PPP1R13L: variants seen among roughly 807,000 people sequenced by gnomAD.
PPP1R13L encodes the protein protein phosphatase 1 regulatory subunit 13 like.
A neutral mutation model predicts 80.9 loss-of-function variants in PPP1R13L; 50 were observed. That is an observed-to-expected ratio of 0.62 (90% CI 0.49 to 0.78). The LOEUF is 0.78. Ranked by LOEUF, PPP1R13L falls within the 30% of genes least tolerant of loss-of-function variation. The pLI, the probability that PPP1R13L is intolerant of heterozygous loss-of-function variation, is 0.00. For missense variants in PPP1R13L, 1,200 were observed against 1,205.9 expected (o/e 1.00, Z 0.07); for synonymous variants, 602 against 534.3 (o/e 1.13, Z -1.75).
chr19:45,384,313 G>A (rs1972823673), intron 11 of PPP1R13L, among the ~76,000 whole-genome samples: 1 of 144,346 alleles, frequency 6.9e-6, no homozygotes, highest in African/African-American at 2.6e-5. Context: ...CTGAGGTCAG[G>A]GGTTTGAGAC....
upstream of PPP1R13L, chr19:45,406,209 A>T (rs1973357523): frequency 1.2e-6 from 1 of 800,504 alleles, no homozygotes; most frequent in African/African-American, 1.9e-5. This position sits in a 1 kb window ranked among gnomAD's most constrained non-coding sequence, Gnocchi z 4.2. Context: ...TCTCCCAGTC[A>T]AGTTCTGAAC....
intron 3 of PPP1R13L, among the ~76,000 whole-genome samples, chr19:45,397,472 C>CTCTTTCTTTCTCTCTTTCTTTCTT (rs1973132554): frequency 1.2e-5 from 1 of 83,270 alleles, no homozygotes; most frequent in Non-Finnish European, 2.3e-5. Flanking sequence ...TTCTCTCTCT[C>CTCTTTCTTTCTCTCTTTCTTTCTT]TCTTTCTTTC....
Position 45,398,324 on chromosome 19 carries a change from C to CGGCCGGAGCGGGCGCCTGCATGGTG in PPP1R13L, c.-21-10_-7dup. ...TGGAATGCCTCGCTGTCCATGGTGC[C>CGGCCGGAGCGGGCGCCTGCATGGTG]GGCCGGAGCGGGCGCCTGCATGGTG... On this transcript the variant is annotated 5_prime_UTR_variant, in exon 2 of 13. The change creates a new upstream start codon in the 5' untranslated region. Transcript: ENST00000360957. 6 of 1,613,430 alleles carry CGGCCGGAGCGGGCGCCTGCATGGTG rather than the reference C, an allele frequency of 3.7e-6. No individual in the cohort carries two copies. The highest frequency in any genetic ancestry group is 5.1e-6 in the Non-Finnish European group (6 of 1,179,898).
rs146548175 is a variant in PPP1R13L at position 45,396,352 on chromosome 19, G to T, written c.797C>A (p.Thr266Lys). Residue 266 changes from threonine (T) to lysine (K), a missense_variant, in exon 5 of 13, where the codon ACA (threonine) becomes AAA (lysine). Coordinates refer to ENST00000360957, the MANE Select transcript of PPP1R13L (RefSeq NM_006663.4). The surrounding 1 kb of genome is among the most constrained non-coding windows in gnomAD (Gnocchi z 5.3). ...CCACCACTCACGTTCATAGCTCGCT[G>T]TCTGCGAAGGCTTCTTCTCGTACGC... ...DVAYEKKPSQ[T>K]ASYERLDVFA... 6.2e-7 allele frequency: 1 copy of T among 1,614,104 alleles called. No individual in the cohort carries two copies. Among genetic ancestry groups the T allele is most frequent in the Non-Finnish European group, 8.5e-7 (1 of 1,180,012 alleles).
In PPP1R13L at chr19:45,395,564, TG is replaced by T; in HGVS notation, c.1225del (p.Gln409AsnfsTer41). 6.9e-7 allele frequency: 1 copy of T among 1,458,264 alleles called. No individual in the cohort carries two copies. 90.3% of individuals were successfully genotyped at this position (1,458,264 alleles called of 1,614,324 possible). ...TTGTGGCTGGGGCTGTGGTTGTGGT[TG>T]GGGCTGCAGCTTAGGCGGGGGTGCT... The part of the protein sequence containing the change: ...TRAPPPKLQP[Q>X]PQPQPQPQSQ... On this transcript the variant is annotated frameshift_variant, in exon 7 of 13. Coordinates refer to ENST00000360957, the MANE Select transcript of PPP1R13L (RefSeq NM_006663.4). LOFTEE classifies it high-confidence loss of function.
intron 12 of PPP1R13L, among the ~76,000 whole-genome samples, chr19:45,381,825 A>G (rs1431064209): frequency 6.6e-6 from 1 of 151,262 alleles, no homozygotes; most frequent in Non-Finnish European, 1.5e-5. Context: ...CTGTCATCCC[A>G]GCTACTCTGG....
Position 45,395,569 on chromosome 19 carries a change from C to T in PPP1R13L, c.1221G>A (p.Gln407=). The change falls in exon 7 of 13, where the codon CAG becomes CAA. Residue 407 remains glutamine, a synonymous_variant. Coordinates refer to ENST00000360957, the MANE Select transcript of PPP1R13L (RefSeq NM_006663.4). ...GCTGGGGCTGTGGTTGTGGTTGGGG[C>T]TGCAGCTTAGGCGGGGGTGCTCGGG... is the stretch of plus-strand genomic sequence containing the variant. ...LFTRAPPPKL[Q]PQPQPQPQPQ... is the part of the protein sequence containing the mutation. 2 of 1,479,746 alleles carry T rather than the reference C, an allele frequency of 1.4e-6. No homozygotes were observed. The highest frequency in any genetic ancestry group is 1.8e-6 in the Non-Finnish European group (2 of 1,117,428). The allele number at this position is 1,479,746 out of a possible 1,614,324, so 91.7% of individuals were successfully genotyped here. A position where few individuals can be genotyped will look rare whatever the true frequency, so the allele number is the denominator to read the frequency against.
chr19:45,397,937 A>G, intron 3 of PPP1R13L, 68 bp downstream of exon 3: 5 of 1,525,418 alleles, frequency 3.3e-6, no homozygotes, highest in Non-Finnish European at 3.5e-6. Flanking sequence ...TTTGCCTGAA[A>G]TCCAGGCCTC....
In PPP1R13L at chr19:45,396,844, G is replaced by A. The variant is rs1248331159; in HGVS notation, c.413C>T (p.Ala138Val). The A allele has an allele frequency of 5.3e-6, 8 of 1,512,540 alleles. No individual in the cohort carries two copies. Among genetic ancestry groups the A allele is most frequent in the Middle Eastern group, 1.7e-4 (1 of 5,788 alleles). 93.7% of individuals were successfully genotyped at this position (1,512,540 alleles called of 1,614,324 possible). ...QPDAYGSLDR[A>V]TSPRPRAFDG... is the part of the protein sequence containing the mutation. ...GAAGGCGCGGGGCCGGGGCGAGGTCGCGCGGTCCAGGCTGCCGTAGGCGTC... is the reference window on the plus strand; with the variant it reads ...GAAGGCGCGGGGCCGGGGCGAGGTCACGCGGTCCAGGCTGCCGTAGGCGTC... The change falls in exon 4 of 13, where the codon GCG becomes GTG. Residue 138 changes from alanine (A) to valine (V), a missense_variant. By Grantham distance (64) the Ala-to-Val change is moderately conservative (BLOSUM62 0). Transcript: ENST00000360957. This position sits in a 1 kb window ranked among gnomAD's most constrained non-coding sequence, Gnocchi z 5.3.
intron 8 of PPP1R13L, among the ~76,000 whole-genome samples, chr19:45,390,783 A>C (rs1972956496): frequency 6.6e-6 from 1 of 151,944 alleles, no homozygotes; most frequent in Admixed American, 6.6e-5. Context: ...AGGGGGTTTC[A>C]CCATGTTGGT....
At chr19:45,387,707 A>C (rs1972896530) in intron 8 of PPP1R13L, among the ~76,000 whole-genome samples, 1 of 152,044 alleles carries the variant, frequency 6.6e-6, no homozygotes, top group Admixed American at 6.6e-5. Flanking sequence ...GGCGCCCGCC[A>C]CCACGCCTGG....
chr19:45,395,701 C>A lies in PPP1R13L; in HGVS notation c.1089G>T (p.Gly363=). 2 of 1,445,588 alleles carry A rather than the reference C, an allele frequency of 1.4e-6. No homozygotes were observed. Among genetic ancestry groups the A allele is most frequent in the Non-Finnish European group, 1.8e-6 (2 of 1,109,800 alleles). The allele number at this position is 1,445,588 out of a possible 1,614,324, so 89.5% of individuals were successfully genotyped here. A position where few individuals can be genotyped will look rare whatever the true frequency, so the allele number is the denominator to read the frequency against. Residue 363 remains glycine (G), a synonymous_variant, in exon 7 of 13, where the codon GGG becomes GGT. Transcript: ENST00000360957. Reference sequence around the variant, plus strand: ...GGGGGATGGGACGCTGGCGCGGGGCCCCGCGGGGCTGGGGGCTGGAGGGGG... The same window carrying A: ...GGGGGATGGGACGCTGGCGCGGGGCACCGCGGGGCTGGGGGCTGGAGGGGG... ...PMPPSSPQPR[G]APRQRPIPLS... is the part of the protein sequence containing the mutation.
At position 45,396,358 on chromosome 19, in the gene PPP1R13L, G is replaced by A. The variant is rs746396640; in HGVS notation, c.791C>T (p.Ser264Leu). 8 of 1,614,000 alleles carry A rather than the reference G, an allele frequency of 5.0e-6. No homozygotes were observed. The highest frequency in any genetic ancestry group is 6.8e-6 in the Non-Finnish European group (8 of 1,180,028). Residue 264 changes from serine (S) to leucine (L), a missense_variant, in exon 5 of 13, where the codon TCG becomes TTG. Ser to Leu is a moderately radical substitution (Grantham distance 145). This residue lies in a region of PPP1R13L where 764 missense variants were observed against 714.5 expected (regional missense o/e 1.07). Transcript: ENST00000360957. This position sits in a 1 kb window ranked among gnomAD's most constrained non-coding sequence, Gnocchi z 5.3. ...DLDVAYEKKP[S>L]QTASYERLDV... is the part of the protein sequence containing the mutation. ...CTCACGTTCATAGCTCGCTGTCTGCGAAGGCTTCTTCTCGTACGCCACGTC... is the reference window on the plus strand; with the variant it reads ...CTCACGTTCATAGCTCGCTGTCTGCAAAGGCTTCTTCTCGTACGCCACGTC...
In PPP1R13L at chr19:45,395,631, C is replaced by T; in HGVS notation, c.1159G>A (p.Ala387Thr). 1 of 1,473,330 alleles carries T rather than the reference C, an allele frequency of 6.8e-7. No individual in the cohort carries two copies. The highest frequency in any genetic ancestry group is 2.5e-5 in the Admixed American group (1 of 40,750). 91.3% of individuals were successfully genotyped at this position (1,473,330 alleles called of 1,614,324 possible). ...KLQNAFWEHG[A>T]SRAMLPGSPL... ...GACCCAGGGAGCATGGCGCGGCTGG[C>T]CCCGTGCTCCCAGAAGGCGTTCTGC... The change falls in exon 7 of 13, where the codon GCC becomes ACC. Residue 387 changes from alanine to threonine, a missense_variant. By Grantham distance (58) the Ala-to-Thr change is moderately conservative. Around this residue, in one of 5 missense-constraint regions of PPP1R13L, gnomAD observed 764 missense variants for 714.5 expected, o/e 1.07. Transcript: ENST00000360957.
chr19:45,401,314 C>G (rs1336474928), intron 1 of PPP1R13L, among the ~76,000 whole-genome samples: 2 of 149,592 alleles, frequency 1.3e-5, no homozygotes, highest in Non-Finnish European at 3.0e-5. Flanking sequence ...GAGATCGCGC[C>G]ACTGCACTCC....
chr19:45,392,387 C>A (rs1599769823), intron 7 of PPP1R13L, 47 bp from the exon 8 acceptor site: 1 of 1,562,698 alleles, frequency 6.4e-7, no homozygotes. Flanking sequence ...CAGGAGACAC[C>A]CAACACTCCC....
At position 45,396,154 on chromosome 19, in the gene PPP1R13L, C is replaced by G; in HGVS notation, c.903+14G>C. 1 of 1,594,230 alleles carries G rather than the reference C, an allele frequency of 6.3e-7. No individual in the cohort carries two copies. The highest frequency in any genetic ancestry group is 1.1e-5 in the South Asian group (1 of 88,204). On this transcript the variant is annotated intron_variant, in intron 6 of 12. Coordinates refer to ENST00000360957, the MANE Select transcript of PPP1R13L (RefSeq NM_006663.4). This position sits in a 1 kb window ranked among gnomAD's most constrained non-coding sequence, Gnocchi z 5.3. ...CCTTCCCCAGCCTCTCCTCCCCAGGCGTCGCCTCCTCACCTTGCCGGTGCC... is the reference window on the plus strand; with the variant it reads ...CCTTCCCCAGCCTCTCCTCCCCAGGGGTCGCCTCCTCACCTTGCCGGTGCC...
intron 1 of PPP1R13L, among the ~76,000 whole-genome samples, chr19:45,400,760 ATT>A (rs887299061): frequency 1.2e-4 from 3 of 25,966 alleles, no homozygotes; most frequent in Non-Finnish European, 1.2e-4. Flanking sequence ...CACCCAGCTA[ATT>A]TTTTTTTTTT....
At chr19:45,386,641 T>G (rs1297979943) in intron 8 of PPP1R13L, among the ~76,000 whole-genome samples, 1 of 149,774 alleles carries the variant, frequency 6.7e-6, no homozygotes, top group Non-Finnish European at 1.5e-5. Context: ...CTTTTTTTTT[T>G]TTTTTTTGAG....
Sources: allele counts gnomAD v4.1 joint callset (sites outside exome capture counted in the v4.1 genomes callset), GRCh38; gene constraint gnomAD v4.1.1; regional missense constraint gnomAD v4.1.1; non-coding constraint Gnocchi (gnomAD v3.1); transcripts MANE v1.5; gene names NCBI Gene and HGNC (gene_info 2026-07-23, HGNC 2026-07-21).